Variants in ARHGAP24 observed in about 807,000 individuals in gnomAD.
ARHGAP24 encodes rho GTPase-activating protein 24.
A neutral mutation model predicts 76.4 loss-of-function variants in ARHGAP24; 50 were observed. That is an observed-to-expected ratio of 0.65 (90% CI 0.52 to 0.83). ARHGAP24 has a LOEUF of 0.83. ARHGAP24 is among the 40% of genes least tolerant of loss of function. ARHGAP24 has a pLI of 0.00. For missense variants in ARHGAP24, 930 were observed against 914.2 expected, an observed-to-expected ratio of 1.02 and a Z score of -0.22; for synonymous variants, 345 against 323.3, an observed-to-expected ratio of 1.07 and a Z score of -0.72.
At chr4:85,862,600 ACTCTG>A (rs1248998495) in intron 3 of ARHGAP24, among the ~76,000 whole-genome samples, 1 of 152,050 alleles carries the variant, frequency 6.6e-6, no homozygotes, top group African/African-American at 2.4e-5. Flanking sequence ...CTCACCCCCT[ACTCTG>A]AATTCCTGTC....
intron 3 of ARHGAP24, among the ~76,000 whole-genome samples, chr4:85,772,883 C>G (rs1001065015): frequency 1.3e-5 from 2 of 151,998 alleles, no homozygotes; most frequent in African/African-American, 4.8e-5. Context: ...TTGAAAATGT[C>G]CAAAATGTAT....
intron 3 of ARHGAP24, among the ~76,000 whole-genome samples, chr4:85,737,442 T>C (rs953382965): frequency 6.6e-6 from 1 of 152,196 alleles, no homozygotes; most frequent in African/African-American, 2.4e-5. Flanking sequence ...TAATTGTTCA[T>C]AGGAAACTCT....
At chr4:85,704,156 A>T (rs1014822616) in intron 2 of ARHGAP24, among the ~76,000 whole-genome samples, 2 of 152,312 alleles carry the variant, frequency 1.3e-5, no homozygotes, top group South Asian at 4.1e-4. Context: ...GTATGCATAT[A>T]TACAGTTTTT....
At chr4:85,846,544 T>C (rs1219799148) in intron 3 of ARHGAP24, among the ~76,000 whole-genome samples, 3 of 152,236 alleles carry the variant, frequency 2.0e-5, no homozygotes, top group African/African-American at 7.2e-5. Context: ...GTCAACACTT[T>C]AAATTTCTGT....
At chr4:85,774,492 C>G (rs1727237222) in intron 3 of ARHGAP24, among the ~76,000 whole-genome samples, 1 of 152,090 alleles carries the variant, frequency 6.6e-6, no homozygotes, top group African/African-American at 2.4e-5. Context: ...AGAATTAGCT[C>G]TAGGCTATCT....
At chr4:85,905,397 A>C (rs1287171752) in intron 3 of ARHGAP24, among the ~76,000 whole-genome samples, 1 of 151,922 alleles carries the variant, frequency 6.6e-6, no homozygotes, top group Admixed American at 6.6e-5. Flanking sequence ...TTTTTTTGGC[A>C]TGAAAAAAAT....
At chr4:85,980,668 C>A (rs868461924) in intron 8 of ARHGAP24, among the ~76,000 whole-genome samples, 28 of 152,272 alleles carry the variant, frequency 1.8e-4, no homozygotes, top group African/African-American at 6.5e-4. Flanking sequence ...TAAATCTATC[C>A]ACTTAATGTT....
Position 85,799,460 on chromosome 4 carries a change from A to G in ARHGAP24, c.268+77488A>G, listed in dbSNP as rs1019637229. Among the ~76,000 whole-genome samples the G allele has an allele frequency of 7.9e-5, 12 of 152,358 alleles. No homozygotes were observed. In the East Asian group the frequency reaches 2.1e-3, roughly 27 times the overall value. ...AACCCAAGGACTATGATAAAATTAC[A>G]TGAGTCTATACTAATAGAAATAAAT... is the stretch of plus-strand genomic sequence containing the variant. On this transcript the variant is annotated intron_variant, in intron 3 of 9. Coordinates refer to ENST00000395184, the MANE Select transcript of ARHGAP24 (RefSeq NM_001025616.3).
intron 4 of ARHGAP24, among the ~76,000 whole-genome samples, chr4:85,929,939 A>G (rs1448733820): frequency 6.6e-6 from 1 of 152,216 alleles, no homozygotes; most frequent in Non-Finnish European, 1.5e-5. Context: ...AGCCAGCTGT[A>G]AAAGTGCTAC....
At chr4:85,934,694 T>C in intron 4 of ARHGAP24, among the ~76,000 whole-genome samples, 1 of 152,112 alleles carries the variant, frequency 6.6e-6, no homozygotes. Flanking sequence ...TTTGTATTTT[T>C]AGTAGAGATG....
At chr4:85,484,324 A>T (rs1481097851) in intron 1 of ARHGAP24, among the ~76,000 whole-genome samples, 1 of 152,194 alleles carries the variant, frequency 6.6e-6, no homozygotes, top group African/African-American at 2.4e-5. Context: ...CAAATTAGAA[A>T]TTATTAAAAA....
chr4:85,658,391 T>A (rs1459136825), intron 2 of ARHGAP24, among the ~76,000 whole-genome samples: 1 of 152,098 alleles, frequency 6.6e-6, no homozygotes, highest in African/African-American at 2.4e-5. Context: ...TTCTCAGAAT[T>A]TTTTTTAACC....
At chr4:85,720,735 G>A (rs116430636) in intron 2 of ARHGAP24, among the ~76,000 whole-genome samples, 2,217 of 152,214 alleles carry the variant, frequency 0.015, 46 homozygotes, top group African/African-American at 0.05. Context: ...ATATTTAAAG[G>A]TCAATTAGAG....
intron 9 of ARHGAP24, among the ~76,000 whole-genome samples, chr4:85,998,548 A>C (rs193139304): frequency 2.6e-5 from 4 of 151,326 alleles, no homozygotes; most frequent in Non-Finnish European, 5.9e-5. Flanking sequence ...CACCTTCTCA[A>C]TTTTCTCTTT....
intron 5 of ARHGAP24, among the ~76,000 whole-genome samples, chr4:85,963,675 T>C (rs924639441): frequency 2.0e-5 from 3 of 152,092 alleles, no homozygotes; most frequent in Admixed American, 6.6e-5. Context: ...CATAGGCACA[T>C]TATTCTAAAG....
chr4:85,827,821 A>T, intron 3 of ARHGAP24: 1 of 919,116 alleles, frequency 1.1e-6, no homozygotes, highest in Non-Finnish European at 1.5e-6. Flanking sequence ...TGGGTGATGG[A>T]GTCATGGGAG....
At chr4:85,626,221 T>C (rs1720948156) in intron 2 of ARHGAP24, among the ~76,000 whole-genome samples, 2 of 152,224 alleles carry the variant, frequency 1.3e-5, no homozygotes, top group Admixed American at 1.3e-4. Flanking sequence ...GTTTTTCCTT[T>C]CCATGTTTAG....
At chr4:85,998,365 C>G (rs1740803594) in intron 9 of ARHGAP24, among the ~76,000 whole-genome samples, 1 of 152,072 alleles carries the variant, frequency 6.6e-6, no homozygotes, top group Non-Finnish European at 1.5e-5. Context: ...ACCTGAAACT[C>G]TATTTTTTCT....
At chr4:85,495,094 C>CAAAAAA (rs77619824) in intron 1 of ARHGAP24, among the ~76,000 whole-genome samples, 1 of 70,636 alleles carries the variant, frequency 1.4e-5, no homozygotes, top group African/African-American at 4.6e-5. Context: ...GACTCCGTCT[C>CAAAAAA]AAAAAAAAAA....
Sources: gnomAD v4.1 joint callset for allele counts (sites outside exome capture counted in the v4.1 genomes callset) on GRCh38, gnomAD v4.1.1 for gene constraint, MANE v1.5 for transcripts, NCBI Gene and HGNC (gene_info 2026-07-23, HGNC 2026-07-21) for gene names.